The following AGBL1 variants were observed in gnomAD, a reference collection of about 807,000 sequenced individuals.
The protein encoded by AGBL1 is AGBL carboxypeptidase 1.
Under a neutral mutation model 118.9 loss-of-function variants are expected in AGBL1, and 130 were observed. The observed-to-expected ratio is 1.09, with a 90% CI of 0.95 to 1.26. AGBL1 has a LOEUF of 1.26. AGBL1 is among the 50% of genes most tolerant of loss of function. The pLI is 0.00. For missense variants in AGBL1, 1,584 were observed against 1,298.1 expected (o/e 1.22, Z -3.38); for synonymous variants, 555 against 478.9 (o/e 1.16, Z -2.08).
chr15:86,909,527 A>G lies in AGBL1; in HGVS notation c.*2233A>G, dbSNP rs905126104. Reference sequence around the variant, plus strand: ...TTTTTTAACTCTTTTCCAAGTTTCCATTTTGTAGTTCAGAAATTGTATATC... The same window carrying G: ...TTTTTTAACTCTTTTCCAAGTTTCCGTTTTGTAGTTCAGAAATTGTATATC... On this transcript the variant is annotated 3_prime_UTR_variant, in exon 23 of 23. Coordinates refer to ENST00000614907, the MANE Select transcript of AGBL1 (RefSeq NM_001386094.1). The G allele has an allele frequency of 2.0e-4, 30 of 152,190 alleles. No homozygotes were observed. Among genetic ancestry groups the G allele is most frequent in the African/African-American group, 7.2e-4 (30 of 41,446 alleles). 9.4% of individuals were successfully genotyped at this position (152,190 alleles called of 1,614,324 possible). A position where few individuals can be genotyped will look rare whatever the true frequency, so the allele number is the denominator to read the frequency against.
intron 1 of AGBL1, among the ~76,000 whole-genome samples, chr15:86,134,604 C>CTTTTTTTTTTTTTTTT (rs141645590): frequency 1.2e-5 from 1 of 84,614 alleles, no homozygotes. Flanking sequence ...TCAATGGTGC[C>CTTTTTTTTTTTTTTTT]TTTTTTTTTT....
chr15:86,858,945 TG>T (rs905110586), intron 22 of AGBL1, among the ~76,000 whole-genome samples: 3 of 152,200 alleles, frequency 2.0e-5, no homozygotes, highest in Non-Finnish European at 4.4e-5. Context: ...CTCCACCTTA[TG>T]GAGAAGAATT....
intron 17 of AGBL1, among the ~76,000 whole-genome samples, chr15:86,307,354 CAA>C (rs2079856056): frequency 6.6e-6 from 1 of 152,036 alleles, no homozygotes; most frequent in African/African-American, 2.4e-5. Flanking sequence ...ATTCATTTAG[CAA>C]AGATTTATTG....
chr15:86,706,038 T>C (rs1721018749), intron 22 of AGBL1, among the ~76,000 whole-genome samples: 1 of 152,110 alleles, frequency 6.6e-6, no homozygotes, highest in Admixed American at 6.6e-5. Flanking sequence ...ATGAGATCTA[T>C]AAGGTAAGGT....
downstream of AGBL1, among the ~76,000 whole-genome samples, chr15:86,919,573 GACACACACACACACACACACACAC>G (rs376501612): frequency 2.3e-5 from 3 of 128,738 alleles, no homozygotes; most frequent in African/African-American, 7.8e-5. Context: ...TCCCTGTTGA[GACACACACACACACACACACACAC>G]ACACACACAC....
intron 22 of AGBL1, among the ~76,000 whole-genome samples, chr15:86,817,335 A>G (rs2078873918): frequency 6.6e-6 from 1 of 151,712 alleles, no homozygotes; most frequent in Admixed American, 6.6e-5. Context: ...GCATGGGCCA[A>G]GCCTTCTAAA....
chr15:86,932,140 T>C (rs545326071), intron 23 of AGBL1, among the ~76,000 whole-genome samples: 2 of 152,340 alleles, frequency 1.3e-5, no homozygotes, highest in East Asian at 1.9e-4. Context: ...AAGACAGGAC[T>C]CAAACCCAGG....
At chr15:87,022,530 T>C (rs1229243999) in intron 24 of AGBL1, among the ~76,000 whole-genome samples, 2 of 152,068 alleles carry the variant, frequency 1.3e-5, no homozygotes, top group African/African-American at 4.8e-5. Context: ...GGAAAATATA[T>C]TTGGGGGAAT....
At chr15:86,123,709 A>G (rs1035584634) in intron 1 of AGBL1, among the ~76,000 whole-genome samples, 3 of 152,206 alleles carry the variant, frequency 2.0e-5, no homozygotes, top group African/African-American at 7.2e-5. Context: ...TATATCTTAC[A>G]TGTATTGATT....
At chr15:86,439,207 G>C (rs1479606748) in intron 18 of AGBL1, among the ~76,000 whole-genome samples, 1 of 151,940 alleles carries the variant, frequency 6.6e-6, no homozygotes, top group Non-Finnish European at 1.5e-5. Context: ...AGTATTTAAG[G>C]GTAGTCAGAA....
At chr15:86,173,712 A>G (rs2077444695) in intron 5 of AGBL1, among the ~76,000 whole-genome samples, 1 of 151,984 alleles carries the variant, frequency 6.6e-6, no homozygotes, top group Non-Finnish European at 1.5e-5. Context: ...CCTTTCCCCA[A>G]AGGATGTTGT....
intron 22 of AGBL1, among the ~76,000 whole-genome samples, chr15:86,894,496 C>G (rs959713837): frequency 6.6e-6 from 1 of 152,070 alleles, no homozygotes; most frequent in Non-Finnish European, 1.5e-5. Context: ...AGAATGCTGC[C>G]CTTAGAAGAA....
intron 18 of AGBL1, among the ~76,000 whole-genome samples, chr15:86,459,812 G>T (rs2142083214): frequency 6.6e-6 from 1 of 152,190 alleles, no homozygotes; most frequent in East Asian, 1.9e-4. Context: ...ATCGATGCAG[G>T]CAGGCACAGT....
Position 86,908,274 on chromosome 15 carries a change from A to G in AGBL1, c.*980A>G, listed in dbSNP as rs2080307573. The G allele has an allele frequency of 6.6e-6, 1 of 152,208 alleles. No homozygotes were observed. Among genetic ancestry groups the G allele is most frequent in the South Asian group, 2.1e-4 (1 of 4,824 alleles). 9.4% of individuals were successfully genotyped at this position (152,208 alleles called of 1,614,324 possible). On this transcript the variant is annotated 3_prime_UTR_variant, in exon 23 of 23. Transcript: ENST00000614907. ...ATAACACAAAAGAACATTCTATATA[A>G]GAATTCTGACAGTTAAGAAAAAATT... is the stretch of plus-strand genomic sequence containing the variant.
intron 22 of AGBL1, among the ~76,000 whole-genome samples, chr15:86,766,281 T>G (rs1435664184): frequency 6.6e-6 from 1 of 151,892 alleles, no homozygotes; most frequent in Non-Finnish European, 1.5e-5. Flanking sequence ...TCAAGACCAT[T>G]TTATGTTTAA....
At chr15:86,656,592 A>G (rs867861645) in intron 21 of AGBL1, among the ~76,000 whole-genome samples, 8 of 152,172 alleles carry the variant, frequency 5.3e-5, no homozygotes, top group Non-Finnish European at 1.0e-4. Context: ...AAAAAGTAAT[A>G]AAGTATCTCT....
At chr15:87,029,446 T>G (rs2081765370), downstream of AGBL1, among the ~76,000 whole-genome samples, 2 of 151,852 alleles carry the variant, frequency 1.3e-5, no homozygotes, top group Non-Finnish European at 2.9e-5. Flanking sequence ...CTTTATTCTT[T>G]GCATTTTTCT....
intron 22 of AGBL1, among the ~76,000 whole-genome samples, chr15:86,801,073 G>A (rs549505016): frequency 6.6e-6 from 1 of 152,060 alleles, no homozygotes; most frequent in East Asian, 1.9e-4. Context: ...AAAAAAACTC[G>A]AACTTACATG....
intron 21 of AGBL1, among the ~76,000 whole-genome samples, chr15:86,607,761 T>C (rs2084597793): frequency 6.6e-6 from 1 of 152,186 alleles, no homozygotes; most frequent in South Asian, 2.1e-4. Flanking sequence ...AATTGGGTTA[T>C]TTTCTTATTG....
Sources: gnomAD v4.1 joint callset for allele counts (sites outside exome capture counted in the v4.1 genomes callset) on GRCh38, gnomAD v4.1.1 for gene constraint, MANE v1.5 for transcripts, NCBI Gene and HGNC (gene_info 2026-07-23, HGNC 2026-07-21) for gene names.